DAO: variants seen among roughly 807,000 people sequenced by gnomAD.
DAO encodes D-amino acid oxidase.
DAO carries 51 observed loss-of-function variants against 50.1 expected under a neutral mutation model. That is an observed-to-expected ratio of 1.02 (90% confidence interval 0.81 to 1.29). The LOEUF is 1.29. Ranked by LOEUF, DAO falls within the 50% of genes most tolerant of loss-of-function variation. The pLI is 0.00. For synonymous variants in DAO, 160 were observed against 166.2 expected, an observed-to-expected ratio of 0.96 and a Z score of 0.29; for missense variants, 436 against 439.4, an observed-to-expected ratio of 0.99 and a Z score of 0.07.
rs550080189 is a variant in DAO, at chr12:108,893,712, C to T, written c.508-551C>T. Among the ~76,000 whole-genome samples, 111 of 152,234 alleles carry T rather than the reference C, an allele frequency of 7.3e-4. 1 individual carries two copies. Among genetic ancestry groups the T allele is most frequent in the South Asian group, 3.7e-3 (18 of 4,822 alleles). On this transcript the variant is annotated intron_variant, in intron 6 of 10. Transcript: ENST00000228476. ...CAATGTGTGTGTCCCTTAACTTACT[C>T]GTGGTGAGAGTCACTGGGGCTGGGT...
In DAO at chr12:108,898,663, C is replaced by T. The variant is rs2039588235; in HGVS notation, c.696-16C>T. On this transcript the variant is annotated splice_polypyrimidine_tract_variant and intron_variant, in intron 8 of 10. Transcript: ENST00000228476. ...TTCATTTTCCTTCATCCTTGACCCT[C>T]CTCATTTGTATCTAGGACCCAGACA... The T allele has an allele frequency of 6.5e-7, 1 of 1,547,586 alleles. No homozygotes were observed. Among genetic ancestry groups the T allele is most frequent in the African/African-American group, 1.4e-5 (1 of 73,676 alleles).
chr12:108,898,400 A>G (rs557807249), intron 8 of DAO: 1 of 443,862 alleles, frequency 2.3e-6, no homozygotes, highest in East Asian at 4.7e-5. Context: ...AGATGACAAT[A>G]TCAATGGCAA....
chr12:108,896,884 T>G, intron 7 of DAO, 122 bp from the exon 8 acceptor site: 58 of 771,268 alleles, frequency 7.5e-5, no homozygotes, highest in East Asian at 1.3e-4. Context: ...CATAGTGTCA[T>G]GAGAGGTCTT....
intron 7 of DAO, among the ~76,000 whole-genome samples, chr12:108,896,052 G>A (rs2039550717): frequency 6.6e-6 from 1 of 151,406 alleles, no homozygotes; most frequent in Non-Finnish European, 1.5e-5. Flanking sequence ...AAAAGTGAGA[G>A]AAGGGTGTAG....
intron 5 of DAO, 76 bp downstream of exon 5, chr12:108,890,349 C>T (rs933088068): frequency 4.3e-6 from 5 of 1,153,170 alleles, no homozygotes; most frequent in Non-Finnish European, 6.5e-6. Context: ...TCGTGGGCTT[C>T]CCTCAGCATG....
intron 8 of DAO, 140 bp from the exon 9 acceptor site, chr12:108,898,539 G>A (rs1210575327): frequency 1.3e-6 from 1 of 759,614 alleles, no homozygotes; most frequent in Non-Finnish European, 2.5e-6. Flanking sequence ...TTCGTTGTTG[G>A]TGTTGATGGT....
In DAO at chr12:108,889,480, G is replaced by A. The variant is rs2039467209; in HGVS notation, c.321G>A (p.Trp107Ter). 1.9e-6 allele frequency: 3 copies of A among 1,612,206 alleles called. No individual in the cohort carries two copies. The highest frequency in any genetic ancestry group is 4.5e-5 in the East Asian group (2 of 44,776). Residue 107 changes from tryptophan (W) to a stop codon, truncating the protein, a stop_gained, in exon 4 of 11, where the codon TGG becomes TGA. Coordinates refer to ENST00000228476, the MANE Select transcript of DAO (RefSeq NM_001917.5). LOFTEE classifies it high-confidence loss of function. ...TCCTTCCTCTTCAGGACCCTTCCTG[G>A]AAGGACACAGTTCTGGGATTTCGGA... is the stretch of plus-strand genomic sequence containing the variant. ...LFHEAIPDPS[W>*]KDTVLGFRKL...
At position 108,880,234 on chromosome 12, in the gene DAO, A is replaced by T. The variant is rs551836621; in HGVS notation, c.-10+10A>T. ...CAGTTTGGTACTTCCGGTGAGTGGC[A>T]GATGCACCTTTGAGCTGGGGACAGG... On this transcript the variant is annotated intron_variant, in intron 1 of 10. Coordinates refer to ENST00000228476, the MANE Select transcript of DAO (RefSeq NM_001917.5). The T allele has an allele frequency of 4.7e-6, 2 of 428,610 alleles. No individual in the cohort carries two copies. The highest frequency in any genetic ancestry group is 9.5e-6 in the Non-Finnish European group (2 of 210,224). The allele number at this position is 428,610 out of a possible 1,614,324, so 26.6% of individuals were successfully genotyped here. A position where few individuals can be genotyped will look rare whatever the true frequency, so the allele number is the denominator to read the frequency against.
At chr12:108,889,357 A>G (rs570162858) in intron 3 of DAO, 112 bp from the exon 4 acceptor site, 53 of 704,360 alleles carry the variant, frequency 7.5e-5, no homozygotes, top group South Asian at 7.2e-4. Context: ...TGATCCACCC[A>G]TCTCAGCTTC....
At chr12:108,881,085 C>G (rs916750062) in intron 1 of DAO, among the ~76,000 whole-genome samples, 1 of 151,618 alleles carries the variant, frequency 6.6e-6, no homozygotes, top group African/African-American at 2.4e-5. Context: ...GGTACTGCAT[C>G]TACAGGTGTC....
At chr12:108,892,433 T>C (rs777528362) in intron 5 of DAO, among the ~76,000 whole-genome samples, 14 of 152,104 alleles carry the variant, frequency 9.2e-5, no homozygotes, top group Non-Finnish European at 1.5e-4. Context: ...CCCAAAGTAC[T>C]GGGATTACAG....
chr12:108,886,597 C>T (rs747217204), intron 2 of DAO, among the ~76,000 whole-genome samples: 3 of 152,134 alleles, frequency 2.0e-5, no homozygotes, highest in Non-Finnish European at 4.4e-5. Context: ...TCCCAAGTAG[C>T]GAGGACACAC....
At chr12:108,890,801 A>T (rs1002899583) in intron 5 of DAO, among the ~76,000 whole-genome samples, 2 of 152,152 alleles carry the variant, frequency 1.3e-5, no homozygotes, top group Non-Finnish European at 2.9e-5. Flanking sequence ...ACATACATTC[A>T]TATTAAGGGA....
chr12:108,881,162 T>TCACACACACACACACACACA lies in DAO; in HGVS notation c.-10+955_-10+974dup, dbSNP rs66697500. On this transcript the variant is annotated intron_variant, in intron 1 of 10. Coordinates refer to ENST00000228476, the MANE Select transcript of DAO (RefSeq NM_001917.5). ...CTCCACACTTACACAGACATTCTAA[T>TCACACACACACACACACACA]CACACACACACACACACACACACAC... 1.9e-3 allele frequency among the ~76,000 whole-genome samples: 269 copies of TCACACACACACACACACACA among 139,322 alleles called. 2 individuals carry two copies. Among genetic ancestry groups the TCACACACACACACACACACA allele is most frequent in the African/African-American group, 6.6e-3 (239 of 36,350 alleles). 91.4% of individuals were successfully genotyped at this position (139,322 alleles called of 152,430 possible).
rs35481176 is a variant in DAO, at chr12:108,883,153, CT to C, written c.-9-1834del. On this transcript the variant is annotated intron_variant, in intron 1 of 10. Coordinates refer to ENST00000228476, the MANE Select transcript of DAO (RefSeq NM_001917.5). ...TCTGACTCTGCCTTTCTCTTCTCCTCTTTTTTTTTTTGAGGCAGAATTTCGC... is the reference window on the plus strand; with the variant it reads ...TCTGACTCTGCCTTTCTCTTCTCCTCTTTTTTTTTTGAGGCAGAATTTCGC... Among the ~76,000 whole-genome samples, 323 of 148,628 alleles carry C rather than the reference CT, an allele frequency of 2.2e-3. 1 individual carries two copies. The highest frequency in any genetic ancestry group is 4.1e-3 in the Non-Finnish European group (275 of 66,822).
In DAO at chr12:108,893,041, G is replaced by C; in HGVS notation, c.507+5G>C. ...AAAGTGGAGTCTTTTGAGGAGGTGA[G>C]TTGCAGGGCTGATGCGGTGGATGGG... is the stretch of plus-strand genomic sequence containing the variant. On this transcript the variant is annotated splice_donor_5th_base_variant and intron_variant, in intron 6 of 10. Transcript: ENST00000228476. 6.2e-7 allele frequency: 1 copy of C among 1,613,492 alleles called. No homozygotes were observed. Among genetic ancestry groups the C allele is most frequent in the Non-Finnish European group, 8.5e-7 (1 of 1,179,646 alleles).
At position 108,885,011 on chromosome 12, in the gene DAO, G is replaced by T. The variant is rs142698254; in HGVS notation, c.5G>T (p.Arg2Leu). The change falls in exon 2 of 11, where the codon CGT (arginine) becomes CTT (leucine). Residue 2 changes from arginine to leucine, a missense_variant. Coordinates refer to ENST00000228476, the MANE Select transcript of DAO (RefSeq NM_001917.5). ...TCCTTCCCACAGGCTGCTGCAATGC[G>T]TGTGGTGGTGATTGGAGCAGGAGTC... M[R>L]VVVIGAGVIG... The T allele has an allele frequency of 6.2e-7, 1 of 1,614,086 alleles. No homozygotes were observed. The highest frequency in any genetic ancestry group is 2.2e-5 in the East Asian group (1 of 44,886).
chr12:108,900,309 C>A, intron 10 of DAO, 95 bp from the exon 11 acceptor site: 1 of 1,521,846 alleles, frequency 6.6e-7, no homozygotes, highest in Non-Finnish European at 9.1e-7. Flanking sequence ...CAGGACTCTT[C>A]GGGAGGCTCC....
At chr12:108,895,263 ATGTATG>A (rs1207107677) in intron 7 of DAO, among the ~76,000 whole-genome samples, 1 of 149,032 alleles carries the variant, frequency 6.7e-6, no homozygotes, top group Non-Finnish European at 1.5e-5. Context: ...GTGTGTGTGC[ATGTATG>A]TGTGTGTGTG....
Sources: allele counts gnomAD v4.1 joint callset (sites outside exome capture counted in the v4.1 genomes callset), GRCh38; gene constraint gnomAD v4.1.1; transcripts MANE v1.5; gene names NCBI Gene and HGNC (gene_info 2026-07-23, HGNC 2026-07-21).